The following ANKHD1 variants were observed in gnomAD, a reference collection of about 807,000 sequenced individuals.
ANKHD1 encodes ankyrin repeat and KH domain-containing protein 1.
A neutral mutation model predicts 230.5 loss-of-function variants in ANKHD1; 31 were observed. The observed-to-expected ratio is 0.13, with a 90% CI of 0.10 to 0.18. ANKHD1 has a LOEUF of 0.18. Ranked by LOEUF, ANKHD1 falls within the 10% of genes least tolerant of loss-of-function variation. ANKHD1 has a pLI of 1.00. For missense variants in ANKHD1, 2,256 were observed against 3,071.3 expected, an observed-to-expected ratio of 0.73 and a Z score of 6.27; for synonymous variants, 1,074 against 1,117.6, an observed-to-expected ratio of 0.96 and a Z score of 0.78.
chr5:140,502,461 AT>A (rs1752348169), intron 15 of ANKHD1, among the ~76,000 whole-genome samples: 1 of 152,232 alleles, frequency 6.6e-6, no homozygotes, highest in Non-Finnish European at 1.5e-5. Flanking sequence ...GAAGTTTCTT[AT>A]CACATTCTGG....
At chr5:140,537,939 TG>T in intron 31 of ANKHD1, 146 bp from the exon 32 acceptor site, 1 of 1,314,998 alleles carries the variant, frequency 7.6e-7, no homozygotes, top group Non-Finnish European at 9.9e-7. Flanking sequence ...TGGTTTTTTT[TG>T]GCTAGCAAGA....
chr5:140,488,799 C>G (rs1259665500), intron 14 of ANKHD1, among the ~76,000 whole-genome samples: 1 of 151,910 alleles, frequency 6.6e-6, no homozygotes, highest in Non-Finnish European at 1.5e-5. Context: ...ACTAGGGAAG[C>G]TGAGGCATGA....
rs1167073989 is a variant in ANKHD1 at position 140,526,062 on chromosome 5, C to G, written c.4559C>G (p.Thr1520Arg). Reference sequence around the variant, plus strand: ...ACCACTACGATTGGAATCTCTGCAACATCTGCAACATTCACAAATGTGTTT... The same window carrying G: ...ACCACTACGATTGGAATCTCTGCAAGATCTGCAACATTCACAAATGTGTTT... ...TTTTTIGISA[T>R]SATFTNVFGK... The change falls in exon 26 of 34, where the codon ACA becomes AGA. Residue 1520 changes from threonine (T) to arginine (R), a missense_variant. By Grantham distance (71) the Thr-to-Arg change is moderately conservative (BLOSUM62 -1). Transcript: ENST00000360839. The G allele has an allele frequency of 1.2e-6, 2 of 1,612,688 alleles. No individual in the cohort carries two copies. The highest frequency in any genetic ancestry group is 2.2e-5 in the South Asian group (2 of 90,724).
At chr5:140,448,092 C>T (rs868057543) in intron 6 of ANKHD1, among the ~76,000 whole-genome samples, 1 of 152,242 alleles carries the variant, frequency 6.6e-6, no homozygotes, top group Non-Finnish European at 1.5e-5. Context: ...CCTAGCTACT[C>T]GGGCAGCTGA....
chr5:140,410,512 G>T (rs1770844186), intron 1 of ANKHD1, among the ~76,000 whole-genome samples: 2 of 151,736 alleles, frequency 1.3e-5, no homozygotes, highest in African/African-American at 4.8e-5. Flanking sequence ...GCCTTGAATT[G>T]GCAAGTAAAC....
chr5:140,421,442 A>C (rs1234589205), intron 1 of ANKHD1, among the ~76,000 whole-genome samples: 2 of 151,746 alleles, frequency 1.3e-5, no homozygotes, highest in African/African-American at 4.8e-5. Flanking sequence ...CTGGGATTAC[A>C]GGGGCCGGCC....
chr5:140,472,298 G>T, intron 10 of ANKHD1: 1 of 1,613,664 alleles, frequency 6.2e-7, no homozygotes, highest in Non-Finnish European at 8.5e-7. Flanking sequence ...AGCATCAGGT[G>T]AGGGTGGCCT....
At chr5:140,423,802 T>G (rs775197681) in intron 1 of ANKHD1, among the ~76,000 whole-genome samples, 1 of 152,186 alleles carries the variant, frequency 6.6e-6, no homozygotes, top group Admixed American at 6.5e-5. Context: ...TGTTAGAAAC[T>G]TGGTTCCTAG....
At position 140,529,083 on chromosome 5, in the gene ANKHD1, C is replaced by T; in HGVS notation, c.6137C>T (p.Ser2046Leu). ...ATGGCAAACCTATGTACCCCATCTTCAACTGCAAACAGTTGCAGTAGCTCT... is the reference window on the plus strand; with the variant it reads ...ATGGCAAACCTATGTACCCCATCTTTAACTGCAAACAGTTGCAGTAGCTCT... ...QPMANLCTPS[S>L]TANSCSSSAS... The change falls in exon 29 of 34, where the codon TCA becomes TTA. Residue 2046 changes from serine to leucine, a missense_variant. Ser to Leu is a moderately radical substitution (Grantham distance 145). Around this residue, in one of 13 missense-constraint regions of ANKHD1, gnomAD observed 778 missense variants for 966.5 expected, o/e 0.80. Transcript: ENST00000360839. The T allele has an allele frequency of 6.2e-7, 1 of 1,614,076 alleles. No individual in the cohort carries two copies. Among genetic ancestry groups the T allele is most frequent in the Non-Finnish European group, 8.5e-7 (1 of 1,180,040 alleles).
At chr5:140,475,460 C>A (rs780355334) in intron 10 of ANKHD1, among the ~76,000 whole-genome samples, 1 of 151,474 alleles carries the variant, frequency 6.6e-6, no homozygotes. Flanking sequence ...ACCTGTGAAC[C>A]AAAATGGATA....
chr5:140,431,200 T>C (rs180732118), intron 1 of ANKHD1, among the ~76,000 whole-genome samples: 47 of 152,372 alleles, frequency 3.1e-4, no homozygotes, highest in Non-Finnish European at 5.3e-4. Flanking sequence ...ATCTGATTGA[T>C]ACAAATGTAT....
At chr5:140,486,697 A>G in intron 13 of ANKHD1, 1 of 235,066 alleles carries the variant, frequency 4.3e-6, no homozygotes, top group Non-Finnish European at 8.4e-6. Flanking sequence ...AATTGGAACC[A>G]GCAAGGCGTT....
intron 14 of ANKHD1, 59 bp from the exon 15 acceptor site, chr5:140,496,461 C>CTTTTTTTTTTTTTTT (rs770445733): frequency 8.2e-6 from 4 of 484,880 alleles, no homozygotes; most frequent in East Asian, 8.3e-5. Flanking sequence ...TTTTTCTTTT[C>CTTTTTTTTTTTTTTT]TTTTTTTTTT....
intron 18 of ANKHD1, 88 bp downstream of exon 18, chr5:140,505,957 A>C: frequency 6.7e-7 from 1 of 1,501,622 alleles, no homozygotes; most frequent in Non-Finnish European, 8.9e-7. Context: ...CATGAATAAA[A>C]TTTGCATGTA....
At chr5:140,478,454 A>G (rs944158053) in intron 10 of ANKHD1, among the ~76,000 whole-genome samples, 2 of 151,882 alleles carry the variant, frequency 1.3e-5, no homozygotes, top group Non-Finnish European at 2.9e-5. Context: ...TTAAAATTCA[A>G]TCAATAAATG....
intron 10 of ANKHD1, chr5:140,472,486 C>T (rs1038279216): frequency 7.7e-7 from 1 of 1,297,736 alleles, no homozygotes; most frequent in Non-Finnish European, 9.8e-7. Flanking sequence ...TAGTTTGTTT[C>T]CTTAGTCTTC....
At chr5:140,491,615 T>A (rs1381597790) in intron 14 of ANKHD1, among the ~76,000 whole-genome samples, 2 of 152,198 alleles carry the variant, frequency 1.3e-5, no homozygotes, top group Non-Finnish European at 2.9e-5. Flanking sequence ...ACCCTGTATA[T>A]CCTCCATGTT....
chr5:140,480,259 C>T (rs1388001377), intron 10 of ANKHD1, among the ~76,000 whole-genome samples: 2 of 152,022 alleles, frequency 1.3e-5, no homozygotes, highest in African/African-American at 4.8e-5. Context: ...GGTAGCTTTT[C>T]ACCCCTTTTA....
intron 14 of ANKHD1, among the ~76,000 whole-genome samples, chr5:140,494,463 T>G (rs969151906): frequency 2.0e-5 from 3 of 152,108 alleles, no homozygotes; most frequent in African/African-American, 7.2e-5. Context: ...ATATATAAAT[T>G]GAATATAGAC....
Sources: allele counts gnomAD v4.1 joint callset (sites outside exome capture counted in the v4.1 genomes callset), GRCh38; gene constraint gnomAD v4.1.1; regional missense constraint gnomAD v4.1.1; transcripts MANE v1.5; gene names NCBI Gene and HGNC (gene_info 2026-07-23, HGNC 2026-07-21).